CASZ1: variants seen among roughly 807,000 people sequenced by gnomAD.
The protein encoded by CASZ1 is zinc finger protein castor homolog 1.
Under a neutral mutation model 135.2 loss-of-function variants are expected in CASZ1, and 28 were observed. That is an observed-to-expected ratio of 0.21 (90% CI 0.15 to 0.28). The LOEUF (loss-of-function observed/expected upper bound fraction) is 0.28. CASZ1 is among the 10% of genes least tolerant of loss of function. The pLI is 1.00. For synonymous variants in CASZ1, 1,068 were observed against 1,073.4 expected (o/e 0.99, Z 0.10); for missense variants, 2,161 against 2,453.3 (o/e 0.88, Z 2.52).
In CASZ1 at chr1:10,735,415, C is replaced by T. The variant is rs1027618941; in HGVS notation, c.-77+25286G>A. ...GAGGCCCGGGAGCTCTGGGAGGGGA[C>T]GGGGGACTGGCGGAGTCAGGCGCCA... On this transcript the variant is annotated intron_variant, in intron 2 of 20. Transcript: ENST00000377022. This position sits in a 1 kb window ranked among gnomAD's most constrained non-coding sequence, Gnocchi z 5.1. Among the ~76,000 whole-genome samples the T allele has an allele frequency of 6.6e-6, 1 of 152,254 alleles. No homozygotes were observed. Among genetic ancestry groups the T allele is most frequent in the East Asian group, 1.9e-4 (1 of 5,152 alleles).
At chr1:10,702,932 G>A (rs1012416267) in intron 3 of CASZ1, among the ~76,000 whole-genome samples, 9 of 151,440 alleles carry the variant, frequency 5.9e-5, no homozygotes, top group African/African-American at 2.2e-4. Context: ...AAAGCCTTCC[G>A]AGTAGATGAA....
In CASZ1 at chr1:10,707,945, T is replaced by C. The variant is rs616519; in HGVS notation, c.-76-2401A>G. On this transcript the variant is annotated intron_variant, in intron 2 of 20. Coordinates refer to ENST00000377022, the MANE Select transcript of CASZ1 (RefSeq NM_001079843.3). This position sits in a 1 kb window ranked among gnomAD's most constrained non-coding sequence, Gnocchi z 5.0. ...TACACTCAGCGGGGCTGAAGTGAAGTGAACTCTTCCAGGCTAAGAAAGAAA... is the reference window on the plus strand; with the variant it reads ...TACACTCAGCGGGGCTGAAGTGAAGCGAACTCTTCCAGGCTAAGAAAGAAA... Among the ~76,000 whole-genome samples, 78,395 of 152,018 alleles carry C rather than the reference T, an allele frequency of 0.52. 23,636 individuals carry two copies. The highest frequency in any genetic ancestry group is 0.69 in the Non-Finnish European group (46,998 of 67,966).
intron 4 of CASZ1, among the ~76,000 whole-genome samples, chr1:10,689,933 G>A (rs1001365035): frequency 6.6e-6 from 1 of 152,212 alleles, no homozygotes; most frequent in Non-Finnish European, 1.5e-5. Flanking sequence ...CATGACTTCC[G>A]AGATGGCCCA....
chr1:10,795,186 G>C (rs1197214830), intron 1 of CASZ1, among the ~76,000 whole-genome samples: 1 of 150,468 alleles, frequency 6.6e-6, no homozygotes, highest in Non-Finnish European at 1.5e-5. Context: ...TCCCTGACTC[G>C]GTCTGGCCCG....
At chr1:10,652,316 G>C (rs771765405) in intron 11 of CASZ1, 2 of 152,300 alleles carry the variant, frequency 1.3e-5, no homozygotes, top group Non-Finnish European at 2.9e-5. Flanking sequence ...CCACTTCCTA[G>C]CCATGTGCCC....
At chr1:10,737,901 G>A (rs2100523621) in intron 2 of CASZ1, among the ~76,000 whole-genome samples, 1 of 152,382 alleles carries the variant, frequency 6.6e-6, no homozygotes, top group Non-Finnish European at 1.5e-5. Context: ...GGGGCGCTGG[G>A]TGCAGTCAGG....
rs1640680349 is a variant in CASZ1, at chr1:10,777,401, A to G, written c.-233-16544T>C. Among the ~76,000 whole-genome samples, 1 of 152,028 alleles carries G rather than the reference A, an allele frequency of 6.6e-6. No individual in the cohort carries two copies. The highest frequency in any genetic ancestry group is 1.5e-5 in the Non-Finnish European group (1 of 67,992). ...CCTCCTTTCTCTTATTGGTCAAACC[A>G]CCGCATCATTCCCACAAAATCCTCT... On this transcript the variant is annotated intron_variant, in intron 1 of 20. Coordinates refer to ENST00000377022, the MANE Select transcript of CASZ1 (RefSeq NM_001079843.3). The surrounding 1 kb of genome is among the most constrained non-coding windows in gnomAD (Gnocchi z 4.4).
At position 10,659,836 on chromosome 1, in the gene CASZ1, G is replaced by A. The variant is rs370703881; in HGVS notation, c.1206C>T (p.Ser402=). The A allele has an allele frequency of 2.4e-5, 38 of 1,612,736 alleles. No homozygotes were observed. The highest frequency in any genetic ancestry group is 6.6e-5 in the South Asian group (6 of 91,002). Reference sequence around the variant, plus strand: ...CGGGGGCGCTGGGGGCACTGGGCACGCTGGCGAGGGGTGCGGGAGCCAGGC... The same window carrying A: ...CGGGGGCGCTGGGGGCACTGGGCACACTGGCGAGGGGTGCGGGAGCCAGGC... ...TPSLAPAPLA[S]VPSAPSAPGP... The change falls in exon 6 of 21, where the codon AGC becomes AGT. Residue 402 remains serine (S), a synonymous_variant. Transcript: ENST00000377022.
rs1235089155 is a variant in CASZ1 at position 10,771,781 on chromosome 1, G to GA, written c.-233-10925dup. On this transcript the variant is annotated intron_variant, in intron 1 of 20. Coordinates refer to ENST00000377022, the MANE Select transcript of CASZ1 (RefSeq NM_001079843.3). ...CTTGATCTTTGCCAAACACATATGAGAAAAAGAACACCCCTGAAATAAAAT... is the reference window on the plus strand; with the variant it reads ...CTTGATCTTTGCCAAACACATATGAGAAAAAAGAACACCCCTGAAATAAAAT... Among the ~76,000 whole-genome samples, 5 of 151,906 alleles carry GA rather than the reference G, an allele frequency of 3.3e-5. No homozygotes were observed. In the East Asian group the frequency reaches 9.7e-4, roughly 29 times the overall value.
Position 10,663,373 on chromosome 1 carries a change from A to AGT in CASZ1, c.505+1709_505+1710insAC, listed in dbSNP as rs532799527. Among the ~76,000 whole-genome samples, 1,387 of 152,208 alleles carry AGT rather than the reference A, an allele frequency of 9.1e-3. 21 individuals carry two copies. Among genetic ancestry groups the AGT allele is most frequent in the African/African-American group, 0.032 (1,311 of 41,508 alleles). On this transcript the variant is annotated intron_variant, in intron 5 of 20. Transcript: ENST00000377022. ...GGACAGTCACAGGCAGCCACCTGGCACCCAGGGTGCACAGAGGGACTCAAG... is the reference window on the plus strand; with the variant it reads ...GGACAGTCACAGGCAGCCACCTGGCAGTCCCAGGGTGCACAGAGGGACTCAAG...
At position 10,665,539 on chromosome 1, in the gene CASZ1, C is replaced by T; in HGVS notation, c.49G>A (p.Gly17Ser). ...CGTTTGGGCGCCATGGCGGGCTTGC[C>T]TGCAGGCGGGTCCGTGCACCGGGTG... ...EGTRCTDPPA[G>S]KPAMAPKRKG... Residue 17 changes from glycine to serine, a missense_variant, in exon 5 of 21, where the codon GGC (glycine) becomes AGC (serine). By Grantham distance (56) the Gly-to-Ser change is moderately conservative (BLOSUM62 0). Around this residue, in one of 7 missense-constraint regions of CASZ1, gnomAD observed 590 missense variants for 609.8 expected, o/e 0.97. Transcript: ENST00000377022. 6.3e-7 allele frequency: 1 copy of T among 1,589,310 alleles called. No homozygotes were observed. The highest frequency in any genetic ancestry group is 8.5e-7 in the Non-Finnish European group (1 of 1,173,934).
At position 10,660,259 on chromosome 1, in the gene CASZ1, G is replaced by A. The variant is rs749741796; in HGVS notation, c.783C>T (p.Thr261=). The A allele has an allele frequency of 4.3e-6, 7 of 1,613,600 alleles. No homozygotes were observed. The highest frequency in any genetic ancestry group is 3.3e-5 in the Admixed American group (2 of 60,002). Residue 261 remains threonine, a synonymous_variant, in exon 6 of 21, where the codon ACC becomes ACT. Coordinates refer to ENST00000377022, the MANE Select transcript of CASZ1 (RefSeq NM_001079843.3). ...QLSWPAPSTK[T]EERVGKEVVG... is the part of the protein sequence containing the mutation. The stretch of plus-strand genomic sequence containing the variant: ...CCACCTCCTTGCCCACCCGCTCCTC[G>A]GTCTTGGTGCTGGGGGCCGGCCAGG...
Position 10,639,225 on chromosome 1 carries a change from G to A in CASZ1, c.4997C>T (p.Ala1666Val). The A allele has an allele frequency of 1.1e-6, 1 of 919,096 alleles. No homozygotes were observed. Among genetic ancestry groups the A allele is most frequent in the Admixed American group, 6.4e-5 (1 of 15,738 alleles). 56.9% of individuals were successfully genotyped at this position (919,096 alleles called of 1,614,324 possible). A position where few individuals can be genotyped will look rare whatever the true frequency, so the allele number is the denominator to read the frequency against. Residue 1666 changes from alanine to valine, a missense_variant, in exon 21 of 21, where the codon GCC (alanine) becomes GTC (valine). Physicochemically the swap from Ala to Val is moderately conservative, Grantham distance 64 (BLOSUM62 0). Around this residue, in one of 7 missense-constraint regions of CASZ1, gnomAD observed 185 missense variants for 134.7 expected, o/e 1.37. Coordinates refer to ENST00000377022, the MANE Select transcript of CASZ1 (RefSeq NM_001079843.3). The surrounding 1 kb of genome is among the most constrained non-coding windows in gnomAD (Gnocchi z 4.0). ...APGPREGAAA[A>V]AAAAGESSQE... ...CGAGGACTCCCCAGCTGCGGCGGCG[G>A]CGGCGGCGGCGCCCTCGCGCGGCCC...
chr1:10,681,321 G>A (rs1401957559), intron 4 of CASZ1, among the ~76,000 whole-genome samples: 3 of 152,056 alleles, frequency 2.0e-5, no homozygotes, highest in Non-Finnish European at 4.4e-5. Context: ...GCATGTACGG[G>A]GTCAGTCACT....
At chr1:10,718,416 T>C (rs1639434110) in intron 2 of CASZ1, among the ~76,000 whole-genome samples, 1 of 152,256 alleles carries the variant, frequency 6.6e-6, no homozygotes, top group Non-Finnish European at 1.5e-5. Flanking sequence ...TTAAACCAAC[T>C]TGGCTTCTTG....
chr1:10,710,690 C>A (rs570053738), intron 2 of CASZ1, among the ~76,000 whole-genome samples: 11 of 152,366 alleles, frequency 7.2e-5, no homozygotes, highest in Non-Finnish European at 1.5e-4. Flanking sequence ...CACAGAAAGA[C>A]AACACCTGCT....
At chr1:10,773,989 C>A (rs1640618611) in intron 1 of CASZ1, among the ~76,000 whole-genome samples, 4 of 152,194 alleles carry the variant, frequency 2.6e-5, no homozygotes, top group Non-Finnish European at 4.4e-5. Context: ...GTCCTGGCAG[C>A]TCCCTGTGGT....
At position 10,709,380 on chromosome 1, in the gene CASZ1, G is replaced by A. The variant is rs986101007; in HGVS notation, c.-76-3836C>T. 6.6e-6 allele frequency among the ~76,000 whole-genome samples: 1 copy of A among 152,186 alleles called. No homozygotes were observed. Among genetic ancestry groups the A allele is most frequent in the South Asian group, 2.1e-4 (1 of 4,834 alleles). On this transcript the variant is annotated intron_variant, in intron 2 of 20. Transcript: ENST00000377022. This position sits in a 1 kb window ranked among gnomAD's most constrained non-coding sequence, Gnocchi z 5.1. Reference sequence around the variant, plus strand: ...GGGCTGGGGCCATGTCAGCCCGGCAGTGTGAGGAGGGGGGCGGCATAGACA... The same window carrying A: ...GGGCTGGGGCCATGTCAGCCCGGCAATGTGAGGAGGGGGGCGGCATAGACA...
chr1:10,656,470 G>C (rs948776760), intron 8 of CASZ1, among the ~76,000 whole-genome samples, 176 bp downstream of exon 8: 2 of 152,194 alleles, frequency 1.3e-5, no homozygotes, highest in Non-Finnish European at 2.9e-5. Context: ...CTGTCGGCAG[G>C]AATCGGGGAA....
Sources: gnomAD v4.1 joint callset for allele counts (sites outside exome capture counted in the v4.1 genomes callset) on GRCh38, gnomAD v4.1.1 for gene constraint, gnomAD v4.1.1 regional missense constraint, Gnocchi (gnomAD v3.1) non-coding constraint, MANE v1.5 for transcripts, NCBI Gene and HGNC (gene_info 2026-07-23, HGNC 2026-07-21) for gene names.